FBXO9: variants seen among roughly 807,000 people sequenced by gnomAD.
The protein encoded by FBXO9 is F-box only protein 9.
FBXO9 carries 43 observed loss-of-function variants against 63.7 expected under a neutral mutation model. The ratio of observed to expected loss-of-function variants is 0.67; its 90% CI spans 0.53 to 0.87. FBXO9 has a LOEUF of 0.87. Ranked by LOEUF, FBXO9 falls within the 40% of genes least tolerant of loss-of-function variation. The pLI, the probability that FBXO9 is intolerant of heterozygous loss-of-function variation, is 0.00. For synonymous variants in FBXO9, 156 were observed against 171.7 expected, an observed-to-expected ratio of 0.91 and a Z score of 0.72; for missense variants, 442 against 533.2, an observed-to-expected ratio of 0.83 and a Z score of 1.68.
At chr6:53,079,533 T>C (rs1769238432) in intron 5 of FBXO9, among the ~76,000 whole-genome samples, 1 of 152,182 alleles carries the variant, frequency 6.6e-6, no homozygotes, top group South Asian at 2.1e-4. Flanking sequence ...TGGTTTTATA[T>C]GGATAAAGAT....
Position 53,095,526 on chromosome 6 carries a change from A to G in FBXO9, c.1067A>G (p.Tyr356Cys), listed in dbSNP as rs1763185453. ...TKKKEEKPLDYKYRYFRRVPV... is the reference protein window; with the variant it reads ...TKKKEEKPLDCKYRYFRRVPV... ...TTTCTTTTGCAGAAACCACTTGACT[A>G]TAAATACAGATATTTTCGTCGTGTC... Residue 356 changes from tyrosine to cysteine, a missense_variant, in exon 12 of 13, where the codon TAT becomes TGT. By Grantham distance (194) the Tyr-to-Cys change is radical. Coordinates refer to ENST00000323557, the MANE Select transcript of FBXO9 (RefSeq NM_033480.3). 5 of 1,611,456 alleles carry G rather than the reference A, an allele frequency of 3.1e-6. No individual in the cohort carries two copies. The highest frequency in any genetic ancestry group is 1.1e-5 in the South Asian group (1 of 90,402).
Position 53,093,982 on chromosome 6 carries a change from A to G in FBXO9, c.1053+4A>G. On this transcript the variant is annotated splice_donor_region_variant and intron_variant, in intron 11 of 12. Transcript: ENST00000323557. ...AATAACTAAGAAAAAAGAAGAAGTG[A>G]GTATACGAGGTGTAATTAATAGTTT... 6.5e-7 allele frequency: 1 copy of G among 1,533,304 alleles called. No individual in the cohort carries two copies. The highest frequency in any genetic ancestry group is 8.8e-7 in the Non-Finnish European group (1 of 1,132,096). The allele number at this position is 1,533,304 out of a possible 1,614,324, so 95.0% of individuals were successfully genotyped here. A position where few individuals can be genotyped will look rare whatever the true frequency, so the allele number is the denominator to read the frequency against.
intron 7 of FBXO9, among the ~76,000 whole-genome samples, chr6:53,087,061 C>T (rs1298842595): frequency 1.3e-5 from 2 of 151,736 alleles, no homozygotes; most frequent in East Asian, 1.9e-4. Flanking sequence ...CAACAACAAA[C>T]ACAGGTGCAG....
chr6:53,073,654 T>A lies in FBXO9; in HGVS notation c.249+15T>A. On this transcript the variant is annotated intron_variant, in intron 3 of 12. Transcript: ENST00000323557. ...AAGAAGAAAAGTTAAGTATTATAGATATTGTAACAAATTACATTTTTTTTT... is the reference window on the plus strand; with the variant it reads ...AAGAAGAAAAGTTAAGTATTATAGAAATTGTAACAAATTACATTTTTTTTT... The A allele has an allele frequency of 1.3e-6, 2 of 1,493,890 alleles. No individual in the cohort carries two copies. 92.5% of individuals were successfully genotyped at this position (1,493,890 alleles called of 1,614,324 possible).
chr6:53,076,643 C>A lies in FBXO9; in HGVS notation c.307+100C>A. ...CTATAACTTATTTGGTATAGAACATCACTTTTCTTAATACATTCTTCCTTC... is the reference window on the plus strand; with the variant it reads ...CTATAACTTATTTGGTATAGAACATAACTTTTCTTAATACATTCTTCCTTC... On this transcript the variant is annotated intron_variant, in intron 4 of 12. Coordinates refer to ENST00000323557, the MANE Select transcript of FBXO9 (RefSeq NM_033480.3). The A allele has an allele frequency of 8.2e-6, 7 of 858,034 alleles. No individual in the cohort carries two copies. The South Asian group carries it at 1.7e-4, about 21-fold the overall frequency. 53.2% of individuals were successfully genotyped at this position (858,034 alleles called of 1,614,324 possible).
intron 3 of FBXO9, among the ~76,000 whole-genome samples, 169 bp from the exon 4 acceptor site, chr6:53,076,317 A>T (rs184437372): frequency 2.6e-5 from 4 of 152,280 alleles, no homozygotes; most frequent in Admixed American, 2.6e-4. Flanking sequence ...TAAGTCCATG[A>T]TCCAGTCAAG....
At chr6:53,082,355 T>C in intron 6 of FBXO9, 149 bp from the exon 7 acceptor site, 1 of 455,556 alleles carries the variant, frequency 2.2e-6, no homozygotes, top group Admixed American at 3.8e-5. Flanking sequence ...TTATTATTAT[T>C]GAGTAGCTAA....
rs561357867 is a variant in FBXO9 at position 53,065,417 on chromosome 6, C to G, written c.-373C>G. 4.6e-6 allele frequency: 1 copy of G among 216,286 alleles called. No individual in the cohort carries two copies. The highest frequency in any genetic ancestry group is 2.3e-5 in the African/African-American group (1 of 43,666). 13.4% of individuals were successfully genotyped at this position (216,286 alleles called of 1,614,324 possible). A position where few individuals can be genotyped will look rare whatever the true frequency, so the allele number is the denominator to read the frequency against. On this transcript the variant is annotated 5_prime_UTR_variant, in exon 1 of 13. Coordinates refer to ENST00000323557, the MANE Select transcript of FBXO9 (RefSeq NM_033480.3). ...CCGGCACTGCGCATGCTCGGCGCGT[C>G]GGCGCAGGTTTCCGCAGCTGAGGGG...
At chr6:53,071,340 G>C (rs1768908622) in intron 2 of FBXO9, among the ~76,000 whole-genome samples, 197 bp downstream of exon 2, 1 of 152,194 alleles carries the variant, frequency 6.6e-6, no homozygotes. Flanking sequence ...GTTGCTTGTA[G>C]TTTAACATGG....
intron 7 of FBXO9, among the ~76,000 whole-genome samples, chr6:53,089,918 C>T (rs1219148668): frequency 1.3e-5 from 2 of 152,146 alleles, no homozygotes; most frequent in South Asian, 2.1e-4. Flanking sequence ...TTTCAGATCC[C>T]GCTTCTGACA....
At chr6:53,068,404 C>T (rs1289202076) in intron 1 of FBXO9, among the ~76,000 whole-genome samples, 3 of 152,112 alleles carry the variant, frequency 2.0e-5, no homozygotes, top group East Asian at 1.9e-4. Flanking sequence ...TTATTAGGCT[C>T]CAAGTCACAC....
rs545907082 is a variant in FBXO9 at position 53,084,672 on chromosome 6, G to A, written c.653+2054G>A. Among the ~76,000 whole-genome samples the A allele has an allele frequency of 8.5e-5, 13 of 152,296 alleles. No homozygotes were observed. In the East Asian group the frequency reaches 2.5e-3, roughly 29 times the overall value. ...TTCAGCTTAAAGGGCTTTACGAACAGAAGCTTTTGTTTTTAGTTGGCGTGT... is the reference window on the plus strand; with the variant it reads ...TTCAGCTTAAAGGGCTTTACGAACAAAAGCTTTTGTTTTTAGTTGGCGTGT... On this transcript the variant is annotated intron_variant, in intron 7 of 12. Coordinates refer to ENST00000323557, the MANE Select transcript of FBXO9 (RefSeq NM_033480.3).
At chr6:53,068,685 C>T (rs992455408) in intron 1 of FBXO9, among the ~76,000 whole-genome samples, 2 of 137,904 alleles carry the variant, frequency 1.5e-5, no homozygotes, top group African/African-American at 5.4e-5. Flanking sequence ...CAGGGTCTCT[C>T]TCTGTCTCCT....
intron 5 of FBXO9, among the ~76,000 whole-genome samples, chr6:53,080,378 C>A (rs1022786060): frequency 6.6e-6 from 1 of 151,638 alleles, no homozygotes; most frequent in Non-Finnish European, 1.5e-5. Context: ...TTCATCCAAT[C>A]CTCTTTGTAA....
chr6:53,077,769 G>T (rs1265589443), intron 4 of FBXO9, among the ~76,000 whole-genome samples: 1 of 152,152 alleles, frequency 6.6e-6, no homozygotes, highest in African/African-American at 2.4e-5. Flanking sequence ...AGGCCCAGTT[G>T]ATCAAGTCCC....
intron 1 of FBXO9, among the ~76,000 whole-genome samples, chr6:53,069,357 A>C (rs1768827537): frequency 6.6e-6 from 1 of 152,240 alleles, no homozygotes; most frequent in Non-Finnish European, 1.5e-5. Flanking sequence ...GAAACATTAG[A>C]GTATTTTCTG....
chr6:53,092,170 A>AC (rs1478206442), intron 7 of FBXO9: 1 of 357,094 alleles, frequency 2.8e-6, no homozygotes, highest in Non-Finnish European at 5.1e-6. Context: ...TTTCCTCACC[A>AC]CCATCATTTC....
chr6:53,084,965 G>A (rs1353184251), intron 7 of FBXO9, among the ~76,000 whole-genome samples: 4 of 152,082 alleles, frequency 2.6e-5, no homozygotes, highest in Non-Finnish European at 5.9e-5. Flanking sequence ...AAAGCCGGAT[G>A]TTTTATGCAC....
At chr6:53,074,834 T>C (rs1168893766) in intron 3 of FBXO9, among the ~76,000 whole-genome samples, 2 of 152,240 alleles carry the variant, frequency 1.3e-5, no homozygotes, top group Non-Finnish European at 2.9e-5. Context: ...GGTATGGATG[T>C]ACCCCAGTTT....
Sources: gnomAD v4.1 joint callset for allele counts (sites outside exome capture counted in the v4.1 genomes callset) on GRCh38, gnomAD v4.1.1 for gene constraint, MANE v1.5 for transcripts, NCBI Gene and HGNC (gene_info 2026-07-23, HGNC 2026-07-21) for gene names.